The following FBLN5 variants were observed in gnomAD, a reference collection of about 807,000 sequenced individuals.
FBLN5 encodes fibulin 5.
In FBLN5, 24 loss-of-function variants were observed where a neutral mutation model predicts 61.6. The ratio of observed to expected loss-of-function variants is 0.39; its 90% CI spans 0.28 to 0.55. The LOEUF is 0.55. FBLN5 is among the 20% of genes least tolerant of loss of function. FBLN5 has a pLI of 0.65. For synonymous variants in FBLN5, 213 were observed against 219.8 expected, an observed-to-expected ratio of 0.97 and a Z score of 0.27; for missense variants, 470 against 594.1, an observed-to-expected ratio of 0.79 and a Z score of 2.17.
At chr14:91,889,934 G>A (rs1444800210) in intron 6 of FBLN5, among the ~76,000 whole-genome samples, 1 of 152,228 alleles carries the variant, frequency 6.6e-6, no homozygotes, top group African/African-American at 2.4e-5. Context: ...AGGTACTGGG[G>A]GCACGGTGCC....
At position 91,937,072 on chromosome 14, in the gene FBLN5, G is replaced by A. The variant is rs766095546; in HGVS notation, c.254C>T (p.Ser85Leu). Residue 85 changes from serine (S) to leucine (L), a missense_variant, in exon 4 of 11, where the codon TCG becomes TTG. Coordinates refer to ENST00000342058, the MANE Select transcript of FBLN5 (RefSeq NM_006329.4). ...VYRGPYSNPY[S>L]TPYSGPYPAA... ...TGGGTACGGACCTGAGTAGGGGGTC[G>A]AGTAGGGGTTCGAGTAGGGCCCTCG... 1.2e-6 allele frequency: 2 copies of A among 1,613,934 alleles called. No homozygotes were observed. Among genetic ancestry groups the A allele is most frequent in the East Asian group, 2.2e-5 (1 of 44,860 alleles).
intron 1 of FBLN5, chr14:91,946,976 T>C: frequency 4.1e-6 from 6 of 1,471,908 alleles, no homozygotes; most frequent in Non-Finnish European, 5.4e-6. Context: ...CGCAGCCCTC[T>C]CTGATGCTGG....
At chr14:91,932,770 G>A (rs894213093) in intron 4 of FBLN5, among the ~76,000 whole-genome samples, 1 of 152,208 alleles carries the variant, frequency 6.6e-6, no homozygotes, top group Non-Finnish European at 1.5e-5. Context: ...CCTCCGAAAC[G>A]TATGAAATTC....
At chr14:91,874,975 T>C (rs1197436294) in intron 10 of FBLN5, among the ~76,000 whole-genome samples, 2 of 152,062 alleles carry the variant, frequency 1.3e-5, no homozygotes, top group Non-Finnish European at 2.9e-5. Context: ...TTACAGGTCA[T>C]GCCACCACAC....
chr14:91,906,840 A>G (rs140388816), intron 4 of FBLN5, among the ~76,000 whole-genome samples: 1,806 of 152,312 alleles, frequency 0.012, 38 homozygotes, highest in African/African-American at 0.041. Context: ...GGAGTCATTT[A>G]TGCTATACCA....
At chr14:91,870,958 T>C (rs1888895549) in intron 10 of FBLN5, among the ~76,000 whole-genome samples, 2 of 151,974 alleles carry the variant, frequency 1.3e-5, no homozygotes, top group Admixed American at 6.6e-5. Context: ...ATTGAGTACA[T>C]ACACATGGAC....
At chr14:91,891,093 C>G (rs1889974361) in intron 6 of FBLN5, 128 bp downstream of exon 6, 2 of 731,960 alleles carry the variant, frequency 2.7e-6, no homozygotes, top group Admixed American at 1.9e-5. Context: ...TGGGGATGGG[C>G]GGGCAGTGGC....
intron 4 of FBLN5, among the ~76,000 whole-genome samples, chr14:91,918,579 A>G (rs1193196569): frequency 1.3e-5 from 2 of 152,246 alleles, no homozygotes; most frequent in East Asian, 3.8e-4. Flanking sequence ...TACTGGGGCC[A>G]AACAAGGATG....
intron 4 of FBLN5, among the ~76,000 whole-genome samples, chr14:91,927,124 G>A (rs2055842956): frequency 6.6e-6 from 1 of 152,134 alleles, no homozygotes; most frequent in South Asian, 2.1e-4. Context: ...GGGCCTATGG[G>A]ATGATATTTA....
chr14:91,915,595 G>A (rs1891158054), intron 4 of FBLN5, among the ~76,000 whole-genome samples: 2 of 147,158 alleles, frequency 1.4e-5, no homozygotes, highest in African/African-American at 2.5e-5. Flanking sequence ...GCTGAGGCAG[G>A]AGAATGGCAT....
Position 91,942,972 on chromosome 14 carries a change from GA to G in FBLN5, c.18-12del. The G allele has an allele frequency of 6.5e-7, 1 of 1,546,020 alleles. No homozygotes were observed. The highest frequency in any genetic ancestry group is 2.4e-5 in the East Asian group (1 of 41,910). ...GTAACAGTGAGTATCCTGTGGAGGT[GA>G]AAAGTCAAATATAAATGCCCAAGAC... On this transcript the variant is annotated splice_polypyrimidine_tract_variant and intron_variant, in intron 1 of 10. Transcript: ENST00000342058.
intron 7 of FBLN5, among the ~76,000 whole-genome samples, chr14:91,883,992 ATGT>A (rs1167487421): frequency 6.6e-6 from 1 of 152,230 alleles, no homozygotes; most frequent in African/African-American, 2.4e-5. Context: ...CAAAGAAAAC[ATGT>A]TGTTCTTGCA....
intron 4 of FBLN5, among the ~76,000 whole-genome samples, chr14:91,920,069 CCA>C (rs1306927329): frequency 6.6e-6 from 1 of 152,048 alleles, no homozygotes; most frequent in African/African-American, 2.4e-5. Context: ...ACTTGGAGTC[CCA>C]CACACTCTTC....
At chr14:91,883,977 C>A (rs984003186) in intron 7 of FBLN5, among the ~76,000 whole-genome samples, 1 of 152,238 alleles carries the variant, frequency 6.6e-6, no homozygotes, top group Non-Finnish European at 1.5e-5. Flanking sequence ...ATTCGATAAG[C>A]ATGCCAAAGA....
intron 4 of FBLN5, among the ~76,000 whole-genome samples, chr14:91,936,080 T>C (rs1303420711): frequency 6.6e-6 from 1 of 152,116 alleles, no homozygotes; most frequent in African/African-American, 2.4e-5. Flanking sequence ...TCCCTAATAG[T>C]GGGTTACAGC....
chr14:91,915,092 G>A (rs1413525017), intron 4 of FBLN5, among the ~76,000 whole-genome samples: 1 of 151,814 alleles, frequency 6.6e-6, no homozygotes, highest in African/African-American at 2.4e-5. Flanking sequence ...CCCAGGGAGT[G>A]GAGGTTGCAG....
rs117970282 is a variant in FBLN5 at position 91,912,149 on chromosome 14, T to C, written c.380-17077A>G. 7.3e-3 allele frequency among the ~76,000 whole-genome samples: 1,111 copies of C among 152,314 alleles called. 9 individuals carry two copies. Among genetic ancestry groups the C allele is most frequent in the Non-Finnish European group, 9.2e-3 (626 of 68,028 alleles). ...TGAGATTTGCTCTAAAATAAGGAAGTTCTAACATTTCCCTTTGGACCTCTT... is the reference window on the plus strand; with the variant it reads ...TGAGATTTGCTCTAAAATAAGGAAGCTCTAACATTTCCCTTTGGACCTCTT... On this transcript the variant is annotated intron_variant, in intron 4 of 10. Coordinates refer to ENST00000342058, the MANE Select transcript of FBLN5 (RefSeq NM_006329.4).
chr14:91,895,131 A>T (rs1890169395), intron 4 of FBLN5, 59 bp from the exon 5 acceptor site: 10 of 1,602,844 alleles, frequency 6.2e-6, no homozygotes, highest in Non-Finnish European at 8.5e-6. Flanking sequence ...CCCTGGAGCC[A>T]CCAGGGGTGC....
intron 4 of FBLN5, among the ~76,000 whole-genome samples, chr14:91,935,407 C>T (rs1014887022): frequency 7.2e-5 from 11 of 152,242 alleles, no homozygotes; most frequent in African/African-American, 2.4e-5. Flanking sequence ...CAGAGTGCCT[C>T]GAAAGAATCA....
Sources: gnomAD v4.1 joint callset for allele counts (sites outside exome capture counted in the v4.1 genomes callset) on GRCh38, gnomAD v4.1.1 for gene constraint, MANE v1.5 for transcripts, NCBI Gene and HGNC (gene_info 2026-07-23, HGNC 2026-07-21) for gene names.